Variants in PALS1 observed in about 807,000 individuals in gnomAD.
PALS1 encodes the protein protein PALS1.
PALS1 carries 31 observed loss-of-function variants against 78.9 expected under a neutral mutation model. The ratio of observed to expected loss-of-function variants is 0.39; its 90% CI spans 0.30 to 0.53. The LOEUF is 0.53. Ranked by LOEUF, PALS1 falls within the 20% of genes least tolerant of loss-of-function variation. PALS1 has a pLI of 0.67. For missense variants in PALS1, 704 were observed against 826.5 expected (o/e 0.85, Z 1.82); for synonymous variants, 276 against 270.9 (o/e 1.02, Z -0.18).
chr14:67,304,391 A>G (rs187080820), intron 8 of PALS1, among the ~76,000 whole-genome samples: 1 of 152,322 alleles, frequency 6.6e-6, no homozygotes, highest in East Asian at 1.9e-4. Flanking sequence ...AGTAGTAACA[A>G]CCCAAATGTC....
At chr14:67,274,151 G>C (rs1248930347) in intron 2 of PALS1, among the ~76,000 whole-genome samples, 2 of 152,010 alleles carry the variant, frequency 1.3e-5, no homozygotes, top group South Asian at 2.1e-4. Flanking sequence ...TCAATTTTGG[G>C]TTTTGTTGCC....
intron 13 of PALS1, among the ~76,000 whole-genome samples, 181 bp downstream of exon 13, chr14:67,321,440 G>A (rs1437721231): frequency 6.6e-6 from 1 of 152,050 alleles, no homozygotes; most frequent in Non-Finnish European, 1.5e-5. Flanking sequence ...TTTCCTCAGA[G>A]GGAAAACATA....
chr14:67,292,456 T>A, intron 3 of PALS1, 55 bp from the exon 4 acceptor site: 1 of 1,198,064 alleles, frequency 8.3e-7, no homozygotes, highest in Non-Finnish European at 1.2e-6. Context: ...TGAAAATGCA[T>A]GTTGAATTAA....
At chr14:67,330,718 A>G (rs1016042237) in intron 14 of PALS1, among the ~76,000 whole-genome samples, 3 of 151,516 alleles carry the variant, frequency 2.0e-5, no homozygotes, top group African/African-American at 7.3e-5. Context: ...TCAGCCTTCC[A>G]AAGTGCTGGG....
chr14:67,295,594 T>C (rs555048915), intron 4 of PALS1, among the ~76,000 whole-genome samples: 1 of 150,940 alleles, frequency 6.6e-6, no homozygotes, highest in East Asian at 2.0e-4. Context: ...AAATGGCCAA[T>C]AGCAATGAAA....
chr14:67,247,770 G>C (rs2084008448), intron 1 of PALS1, among the ~76,000 whole-genome samples: 1 of 151,988 alleles, frequency 6.6e-6, no homozygotes, highest in African/African-American at 2.4e-5. Context: ...GTAGAGACAG[G>C]GCTTCACCAT....
intron 4 of PALS1, among the ~76,000 whole-genome samples, chr14:67,296,336 C>T (rs1485292241): frequency 1.3e-5 from 2 of 152,052 alleles, no homozygotes; most frequent in East Asian, 1.9e-4. Context: ...TGCAGTGGCT[C>T]ACGCCTGTAA....
chr14:67,325,227 CCACAA>C (rs1253483915), intron 14 of PALS1, among the ~76,000 whole-genome samples: 1 of 152,124 alleles, frequency 6.6e-6, no homozygotes, highest in African/African-American at 2.4e-5. Flanking sequence ...TGACTGTCCA[CCACAA>C]CACATTAACC....
At chr14:67,323,615 A>AATATATATATATAT (rs150511527) in intron 13 of PALS1, 87 bp from the exon 14 acceptor site, 12 of 260,322 alleles carry the variant, frequency 4.6e-5, no homozygotes, top group Middle Eastern at 1.4e-3. Flanking sequence ...CCCTTAATCT[A>AATATATATATATAT]ATATATATAT....
At chr14:67,319,246 C>T (rs2085226394) in intron 11 of PALS1, among the ~76,000 whole-genome samples, 1 of 152,136 alleles carries the variant, frequency 6.6e-6, no homozygotes, top group African/African-American at 2.4e-5. Context: ...GGGAGTCTGA[C>T]TTCACATCTG....
At chr14:67,331,018 T>A (rs964177867) in intron 14 of PALS1, among the ~76,000 whole-genome samples, 2 of 152,060 alleles carry the variant, frequency 1.3e-5, no homozygotes, top group African/African-American at 4.8e-5. Context: ...ATTGTATTTA[T>A]TCTACTTAAG....
At chr14:67,257,730 A>G (rs963119488) in intron 1 of PALS1, among the ~76,000 whole-genome samples, 5 of 152,308 alleles carry the variant, frequency 3.3e-5, no homozygotes, top group South Asian at 2.1e-4. Flanking sequence ...TAAGTTTAAG[A>G]AGAAACTGAG....
intron 1 of PALS1, among the ~76,000 whole-genome samples, chr14:67,256,823 C>CAT (rs397852896): frequency 3.3e-5 from 5 of 151,914 alleles, no homozygotes; most frequent in African/African-American, 9.7e-5. Flanking sequence ...CACACACACA[C>CAT]ATGAAACTGA....
In PALS1 at chr14:67,335,244, A is replaced by C. The variant is rs984594843; in HGVS notation, c.*2288A>C. ...TGATGAGGATGTGCTGATATTCAAC[A>C]TAGTCCTTAAAGTGAAAACTGAGTT... is the stretch of plus-strand genomic sequence containing the variant. On this transcript the variant is annotated 3_prime_UTR_variant, in exon 15 of 15. Transcript: ENST00000261681. 1 of 152,222 alleles carries C rather than the reference A, an allele frequency of 6.6e-6. No homozygotes were observed. Among genetic ancestry groups the C allele is most frequent in the Non-Finnish European group, 1.5e-5 (1 of 68,034 alleles). The allele number at this position is 152,222 out of a possible 1,614,324, so 9.4% of individuals were successfully genotyped here. A position where few individuals can be genotyped will look rare whatever the true frequency, so the allele number is the denominator to read the frequency against.
chr14:67,275,668 A>G (rs1371647918), intron 2 of PALS1, among the ~76,000 whole-genome samples: 1 of 151,950 alleles, frequency 6.6e-6, no homozygotes, highest in Admixed American at 6.6e-5. Context: ...CTCTTTTTCT[A>G]TTGATTGCAA....
chr14:67,298,470 A>T (rs1466334837), intron 4 of PALS1, among the ~76,000 whole-genome samples: 1 of 151,512 alleles, frequency 6.6e-6, no homozygotes, highest in African/African-American at 2.4e-5. Flanking sequence ...AGCCAAGATC[A>T]TGCCATTGCA....
At position 67,321,139 on chromosome 14, in the gene PALS1, AG is replaced by A. The variant is rs1465016457; in HGVS notation, c.1621del (p.Ala541GlnfsTer20). The A allele has an allele frequency of 6.2e-7, 1 of 1,614,112 alleles. No individual in the cohort carries two copies. Among genetic ancestry groups the A allele is most frequent in the African/African-American group, 1.3e-5 (1 of 74,944 alleles). On this transcript the variant is annotated frameshift_variant, in exon 13 of 15. Coordinates refer to ENST00000261681, the MANE Select transcript of PALS1 (RefSeq NM_022474.4). LOFTEE classifies it high-confidence loss of function. ...CGCGGCAAGCATTCGAGGCAGACATAGCAGCTGGAAAGTTCATTGAGCATGG... is the reference window on the plus strand; with the variant it reads ...CGCGGCAAGCATTCGAGGCAGACATACAGCTGGAAAGTTCATTGAGCATGG... ...VSRQAFEADI[A>X]AGKFIEHGEF...
Position 67,301,953 on chromosome 14 carries a change from A to T in PALS1, c.655-19A>T. 2.5e-6 allele frequency: 4 copies of T among 1,584,588 alleles called. No individual in the cohort carries two copies. Among genetic ancestry groups the T allele is most frequent in the Non-Finnish European group, 3.4e-6 (4 of 1,169,018 alleles). On this transcript the variant is annotated intron_variant, in intron 5 of 14. Transcript: ENST00000261681. Reference sequence around the variant, plus strand: ...AAATCATGCTGTTACTTAAAATGCCATGGATTTCTTTGAAACAGGCACTTT... The same window carrying T: ...AAATCATGCTGTTACTTAAAATGCCTTGGATTTCTTTGAAACAGGCACTTT...
chr14:67,290,097 G>T (rs2084750818), intron 3 of PALS1, among the ~76,000 whole-genome samples: 1 of 151,890 alleles, frequency 6.6e-6, no homozygotes, highest in Admixed American at 6.6e-5. Context: ...TACTGTCTTT[G>T]ACTGTATAAG....
Sources: allele counts gnomAD v4.1 joint callset (sites outside exome capture counted in the v4.1 genomes callset), GRCh38; gene constraint gnomAD v4.1.1; transcripts MANE v1.5; gene names NCBI Gene and HGNC (gene_info 2026-07-23, HGNC 2026-07-21).